Variants in ITGB6 observed in about 807,000 individuals in gnomAD.
The protein encoded by ITGB6 is integrin subunit beta 6.
A neutral mutation model predicts 84.5 loss-of-function variants in ITGB6; 80 were observed. The observed-to-expected ratio is 0.95, with a 90% CI of 0.79 to 1.14. The LOEUF (loss-of-function observed/expected upper bound fraction) is 1.14. ITGB6 is among the 50% of genes most tolerant of loss of function. The probability of loss-of-function intolerance (pLI) is 0.00; values close to 1 mark genes in which losing one functional copy is unlikely to be tolerated. For missense variants in ITGB6, 1,006 were observed against 968.0 expected, an observed-to-expected ratio of 1.04 and a Z score of -0.52; for synonymous variants, 383 against 354.9, an observed-to-expected ratio of 1.08 and a Z score of -0.89.
At chr2:160,157,685 A>G (rs1214604879) in intron 7 of ITGB6, among the ~76,000 whole-genome samples, 1 of 150,112 alleles carries the variant, frequency 6.7e-6, no homozygotes, top group African/African-American at 2.4e-5. Flanking sequence ...TGTGGCTGTA[A>G]TGACTTTCAA....
chr2:160,188,972 C>A (rs1284760131), intron 4 of ITGB6, among the ~76,000 whole-genome samples: 1 of 152,088 alleles, frequency 6.6e-6, no homozygotes, highest in Non-Finnish European at 1.5e-5. Context: ...GCTACAGTAA[C>A]CAAAACAGCA....
chr2:160,185,335 AACAG>A (rs1272720110), intron 4 of ITGB6, among the ~76,000 whole-genome samples: 7 of 152,066 alleles, frequency 4.6e-5, no homozygotes, highest in East Asian at 3.9e-4. Flanking sequence ...ATACACCAAT[AACAG>A]ACAGAGAGCC....
intron 7 of ITGB6, among the ~76,000 whole-genome samples, chr2:160,162,777 A>G (rs1019909095): frequency 6.6e-6 from 1 of 151,810 alleles, no homozygotes; most frequent in Admixed American, 6.6e-5. Flanking sequence ...TGCCACCACA[A>G]CCTGCTAATT....
chr2:160,137,608 T>G lies in ITGB6; in HGVS notation c.1486A>C (p.Met496Leu), dbSNP rs1237908560. The G allele has an allele frequency of 2.5e-6, 4 of 1,614,242 alleles. No homozygotes were observed. The highest frequency in any genetic ancestry group is 3.4e-6 in the Non-Finnish European group (4 of 1,180,030). The change falls in exon 10 of 15, where the codon ATG (methionine) becomes CTG (leucine). Residue 496 changes from methionine to leucine, a missense_variant. Coordinates refer to ENST00000283249, the MANE Select transcript of ITGB6 (RefSeq NM_000888.5). ...TCCTTGCAGGAATCTGTGCTCAGCATGTCCTCGCCACACTCACAGCGAGGC... is the reference window on the plus strand; with the variant it reads ...TCCTTGCAGGAATCTGTGCTCAGCAGGTCCTCGCCACACTCACAGCGAGGC... ...MGPRCECGED[M>L]LSTDSCKEAP...
At chr2:160,192,801 A>T (rs2105894915) in intron 4 of ITGB6, among the ~76,000 whole-genome samples, 1 of 152,318 alleles carries the variant, frequency 6.6e-6, no homozygotes, top group South Asian at 2.1e-4. Context: ...TTGGAAAGAC[A>T]GTCTAATCTT....
At chr2:160,145,619 T>C (rs1166958557) in intron 7 of ITGB6, among the ~76,000 whole-genome samples, 1 of 152,168 alleles carries the variant, frequency 6.6e-6, no homozygotes, top group Non-Finnish European at 1.5e-5. Context: ...TGGGCTCCTC[T>C]CAGAGAGGGA....
At chr2:160,134,535 A>C (rs1026907801) in intron 10 of ITGB6, among the ~76,000 whole-genome samples, 3 of 152,174 alleles carry the variant, frequency 2.0e-5, no homozygotes, top group African/African-American at 7.2e-5. Context: ...AAAAGGGGGA[A>C]TCCTCCCTAA....
At chr2:160,198,182 T>C (rs536525882) in intron 2 of ITGB6, among the ~76,000 whole-genome samples, 8 of 152,344 alleles carry the variant, frequency 5.3e-5, no homozygotes, top group African/African-American at 1.2e-4. Flanking sequence ...TCAATCCTGC[T>C]TTGATACAGG....
At chr2:160,109,536 A>T (rs563909286) in intron 13 of ITGB6, among the ~76,000 whole-genome samples, 111 of 152,358 alleles carry the variant, frequency 7.3e-4, no homozygotes, top group African/African-American at 2.6e-3. Context: ...TCTGGCAGAG[A>T]TAATTATTTT....
intron 10 of ITGB6, among the ~76,000 whole-genome samples, chr2:160,132,755 C>A (rs972570898): frequency 6.6e-6 from 1 of 152,194 alleles, no homozygotes; most frequent in East Asian, 1.9e-4. Context: ...AATGATTTTA[C>A]AATAGTCATA....
At chr2:160,195,713 A>G in intron 3 of ITGB6, 98 bp from the exon 4 acceptor site, 2 of 1,312,748 alleles carry the variant, frequency 1.5e-6, no homozygotes, top group Non-Finnish European at 2.1e-6. Context: ...CACCTCAATA[A>G]GAACTTACTG....
intron 4 of ITGB6, among the ~76,000 whole-genome samples, chr2:160,185,275 A>AGCCC (rs1436374866): frequency 1.3e-5 from 2 of 152,246 alleles, no homozygotes; most frequent in Non-Finnish European, 2.9e-5. Flanking sequence ...AAGCAACTTC[A>AGCCC]GCAAAGTCTC....
At chr2:160,194,092 G>A (rs1686241632) in intron 4 of ITGB6, among the ~76,000 whole-genome samples, 1 of 152,118 alleles carries the variant, frequency 6.6e-6, no homozygotes. Context: ...AGGAGGCAGA[G>A]GTTACAGTGA....
At chr2:160,198,770 G>T (rs759267642) in intron 2 of ITGB6, among the ~76,000 whole-genome samples, 3 of 152,152 alleles carry the variant, frequency 2.0e-5, no homozygotes, top group Admixed American at 6.5e-5. Flanking sequence ...AGTTCAGAAT[G>T]GATCCTGGTA....
At chr2:160,129,828 A>C (rs1225506507) in intron 10 of ITGB6, among the ~76,000 whole-genome samples, 1 of 152,148 alleles carries the variant, frequency 6.6e-6, no homozygotes, top group Non-Finnish European at 1.5e-5. Context: ...CTTTGGTCAA[A>C]AATCACCAAA....
Position 160,167,821 on chromosome 2 carries a change from C to T in ITGB6, c.1017+1391G>A, listed in dbSNP as rs141824801. Among the ~76,000 whole-genome samples, 1,149 of 152,262 alleles carry T rather than the reference C, an allele frequency of 7.5e-3. 6 individuals are homozygous for T. The highest frequency in any genetic ancestry group is 0.013 in the Non-Finnish European group (886 of 68,020). On this transcript the variant is annotated intron_variant, in intron 7 of 14. Transcript: ENST00000283249. Reference sequence around the variant, plus strand: ...GTAGTCTATGTTCACGATCATCAATCGCATTCCCCAGACTCCCCTTTGAAG... The same window carrying T: ...GTAGTCTATGTTCACGATCATCAATTGCATTCCCCAGACTCCCCTTTGAAG...
intron 12 of ITGB6, among the ~76,000 whole-genome samples, chr2:160,116,523 T>C (rs1682776272): frequency 6.6e-6 from 1 of 151,932 alleles, no homozygotes; most frequent in Non-Finnish European, 1.5e-5. Flanking sequence ...GCACTAAACA[T>C]GGAAAGGAAC....
In ITGB6 at chr2:160,174,201, T is replaced by A. The variant is rs1685325440; in HGVS notation, c.594-62A>T. ...TATGATGCCACACACAATTAATGGA[T>A]CTAATAGCTTAGCAACATTCTCCTA... On this transcript the variant is annotated intron_variant, in intron 4 of 14. Transcript: ENST00000283249. 6.5e-6 allele frequency: 8 copies of A among 1,234,210 alleles called. No individual in the cohort carries two copies. In the East Asian group the frequency reaches 1.7e-4, roughly 26 times the overall value. 76.5% of individuals were successfully genotyped at this position (1,234,210 alleles called of 1,614,324 possible).
At chr2:160,164,317 G>A (rs1022039885) in intron 7 of ITGB6, among the ~76,000 whole-genome samples, 6 of 152,162 alleles carry the variant, frequency 3.9e-5, no homozygotes, top group Non-Finnish European at 5.9e-5. Context: ...AGTCTATAGC[G>A]TCTTAGTTTC....
Sources: gnomAD v4.1 joint callset for allele counts (sites outside exome capture counted in the v4.1 genomes callset) on GRCh38, gnomAD v4.1.1 for gene constraint, MANE v1.5 for transcripts, NCBI Gene and HGNC (gene_info 2026-07-23, HGNC 2026-07-21) for gene names.